Variants in DIAPH1 observed in about 807,000 individuals in gnomAD.
DIAPH1 encodes diaphanous related formin 1.
Under a neutral mutation model 140.7 loss-of-function variants are expected in DIAPH1, and 46 were observed. The observed-to-expected ratio is 0.33, with a 90% CI of 0.26 to 0.42. DIAPH1 has a LOEUF of 0.42. Ranked by LOEUF, DIAPH1 falls within the 10% of genes least tolerant of loss-of-function variation. DIAPH1 has a pLI of 1.00. For synonymous variants in DIAPH1, 565 were observed against 551.6 expected (o/e 1.02, Z -0.34); for missense variants, 1,310 against 1,558.7 (o/e 0.84, Z 2.69).
intron 2 of DIAPH1, among the ~76,000 whole-genome samples, chr5:141,587,878 A>G (rs1337510824): frequency 6.6e-6 from 1 of 152,228 alleles, no homozygotes; most frequent in Non-Finnish European, 1.5e-5. Context: ...CTGATGCTCA[A>G]ATCAACAAGA....
At position 141,578,541 on chromosome 5, in the gene DIAPH1, G is replaced by A. The variant is rs754730261; in HGVS notation, c.1018C>T (p.Arg340Cys). ...FRVHIRSELMRLGLHQVLQDL... is the reference protein window; with the variant it reads ...FRVHIRSELMCLGLHQVLQDL... The stretch of plus-strand genomic sequence containing the variant: ...TGCAACACCTGATGTAGCCCCAAAC[G>A]CATCAGTTCACTTCTGATGTGAACT... The change falls in exon 10 of 28, where the codon CGT (arginine) becomes TGT (cysteine). Residue 340 changes from arginine to cysteine, a missense_variant. This residue lies in a region of DIAPH1 where 377 missense variants were observed against 497.1 expected (regional missense o/e 0.76). Transcript: ENST00000389054. 18 of 1,613,682 alleles carry A rather than the reference G, an allele frequency of 1.1e-5. No individual in the cohort carries two copies. The highest frequency in any genetic ancestry group is 1.7e-5 in the Admixed American group (1 of 60,014).
chr5:141,584,096 T>C, intron 4 of DIAPH1, 28 bp downstream of exon 4: 2 of 1,431,324 alleles, frequency 1.4e-6, no homozygotes, highest in Non-Finnish European at 9.9e-7. Context: ...CAGTCTCCCA[T>C]GTCATGGGTA....
intron 1 of DIAPH1, among the ~76,000 whole-genome samples, chr5:141,595,617 C>A (rs191405743): frequency 2.0e-5 from 3 of 152,276 alleles, no homozygotes; most frequent in Admixed American, 2.0e-4. Context: ...TCTGTCCTGC[C>A]ACCCTTAGAA....
intron 18 of DIAPH1, 137 bp from the exon 19 acceptor site, chr5:141,534,570 C>T (rs1420055928): frequency 2.9e-6 from 2 of 697,134 alleles, no homozygotes; most frequent in Admixed American, 2.3e-5. Flanking sequence ...TCAAAACTAA[C>T]CTCCTCTTCA....
chr5:141,590,265 ACAAG>A (rs2099898196), intron 1 of DIAPH1, among the ~76,000 whole-genome samples: 2 of 152,222 alleles, frequency 1.3e-5, no homozygotes, highest in Admixed American at 1.3e-4. Flanking sequence ...AATAAAACAA[ACAAG>A]CAAACAAACT....
intron 18 of DIAPH1, among the ~76,000 whole-genome samples, chr5:141,570,660 T>G (rs1444148972): frequency 6.6e-6 from 1 of 152,018 alleles, no homozygotes; most frequent in Admixed American, 6.6e-5. Context: ...GTGGGGAAAA[T>G]AAATGCTCCA....
chr5:141,568,856 A>G (rs2099894750), intron 18 of DIAPH1, among the ~76,000 whole-genome samples: 1 of 152,154 alleles, frequency 6.6e-6, no homozygotes, highest in African/African-American at 2.4e-5. Flanking sequence ...GTGTCCAAAT[A>G]ACTTCTTCAT....
chr5:141,562,399 T>C (rs2099893695), intron 18 of DIAPH1, among the ~76,000 whole-genome samples: 1 of 152,112 alleles, frequency 6.6e-6, no homozygotes. Flanking sequence ...ACAGATAGTA[T>C]GTTCCTTGTT....
chr5:141,524,493 C>T (rs2099887007), intron 26 of DIAPH1: 1 of 510,334 alleles, frequency 2.0e-6, no homozygotes, highest in East Asian at 3.8e-5. Context: ...GCCATCCTCC[C>T]CACCCCAATC....
At chr5:141,594,113 T>C (rs766998919) in intron 1 of DIAPH1, among the ~76,000 whole-genome samples, 1 of 152,190 alleles carries the variant, frequency 6.6e-6, no homozygotes, top group Non-Finnish European at 1.5e-5. Context: ...GAACTTTCAA[T>C]TCATGGCTGG....
At chr5:141,540,559 C>A (rs1046981810) in intron 18 of DIAPH1, among the ~76,000 whole-genome samples, 2 of 151,352 alleles carry the variant, frequency 1.3e-5, no homozygotes, top group African/African-American at 2.4e-5. Flanking sequence ...GGATTACAGG[C>A]GTGAGCCACC....
chr5:141,533,211 T>C (rs2099888506), intron 19 of DIAPH1, among the ~76,000 whole-genome samples: 1 of 152,218 alleles, frequency 6.6e-6, no homozygotes, highest in African/African-American at 2.4e-5. Flanking sequence ...CTGGAACACA[T>C]GCCTAATAGA....
intron 18 of DIAPH1, chr5:141,560,954 G>A (rs1005396803): frequency 6.6e-6 from 3 of 455,328 alleles, no homozygotes; most frequent in Non-Finnish European, 8.8e-6. Context: ...GGAAGGGGTG[G>A]AGATGGGAGG....
chr5:141,571,793 G>C, intron 17 of DIAPH1, 133 bp downstream of exon 17: 1 of 786,284 alleles, frequency 1.3e-6, no homozygotes, highest in Non-Finnish European at 2.3e-6. Context: ...CTTTTGAATG[G>C]GAAAATCCAT....
chr5:141,529,086 G>T, intron 21 of DIAPH1, 86 bp downstream of exon 21: 1 of 1,550,958 alleles, frequency 6.4e-7, no homozygotes, highest in Non-Finnish European at 8.9e-7. Context: ...CAGACAAGCG[G>T]CAAGGAGCAT....
chr5:141,571,968 G>C lies in DIAPH1; in HGVS notation c.2431C>G (p.Leu811Val). 1 of 1,614,176 alleles carries C rather than the reference G, an allele frequency of 6.2e-7. No homozygotes were observed. Among genetic ancestry groups the C allele is most frequent in the Non-Finnish European group, 8.5e-7 (1 of 1,180,030 alleles). ...VKEDRFENNELFAKLTLTFSA... is the reference protein window; with the variant it reads ...VKEDRFENNEVFAKLTLTFSA... ...AAGGTAAGGGTAAGTTTGGCGAAAA[G>C]TTCATTGTTCTCAAAGCGGTCCTCC... is the stretch of plus-strand genomic sequence containing the variant. The change falls in exon 17 of 28, where the codon CTT becomes GTT. Residue 811 changes from leucine (L) to valine (V), a missense_variant. Physicochemically the swap from Leu to Val is conservative, Grantham distance 32 (BLOSUM62 1). Around this residue, in one of 3 missense-constraint regions of DIAPH1, gnomAD observed 589 missense variants for 549.3 expected, o/e 1.07. Transcript: ENST00000389054.
chr5:141,554,986 G>A (rs1032746829), intron 18 of DIAPH1, among the ~76,000 whole-genome samples: 2 of 152,074 alleles, frequency 1.3e-5, no homozygotes, highest in Non-Finnish European at 2.9e-5. Context: ...TAACTGGAAG[G>A]GGGGTACATA....
chr5:141,561,676 C>T (rs184305079), intron 18 of DIAPH1: 4 of 152,012 alleles, frequency 2.6e-5, no homozygotes, highest in African/African-American at 9.7e-5. Flanking sequence ...TGGTATATTC[C>T]CTTCTAATCT....
chr5:141,574,279 A>G (rs1043227383), intron 15 of DIAPH1, 71 bp from the exon 16 acceptor site: 12 of 1,475,408 alleles, frequency 8.1e-6, no homozygotes, highest in Non-Finnish European at 1.1e-5. Flanking sequence ...AAGGAACCTA[A>G]TAAACTACTT....
Sources: gnomAD v4.1 joint callset for allele counts (sites outside exome capture counted in the v4.1 genomes callset) on GRCh38, gnomAD v4.1.1 for gene constraint, gnomAD v4.1.1 regional missense constraint, MANE v1.5 for transcripts, NCBI Gene and HGNC (gene_info 2026-07-23, HGNC 2026-07-21) for gene names.